Variants in GRIA4 observed in about 807,000 individuals in gnomAD.
The protein encoded by GRIA4 is glutamate ionotropic receptor AMPA type subunit 4, also known as glutamate receptor 4.
In GRIA4, 34 loss-of-function variants were observed where a neutral mutation model predicts 104.0. The observed-to-expected ratio is 0.33, with a 90% CI of 0.25 to 0.44. The LOEUF is 0.44. Ranked by LOEUF, GRIA4 falls within the 20% of genes least tolerant of loss-of-function variation. The probability of loss-of-function intolerance (pLI) is 1.00; values close to 1 mark genes in which losing one functional copy is unlikely to be tolerated. For missense variants in GRIA4, 750 were observed against 1,096.5 expected (o/e 0.68, Z 4.46); for synonymous variants, 386 against 381.9 (o/e 1.01, Z -0.13).
chr11:105,669,373 T>C (rs949708713), intron 3 of GRIA4, among the ~76,000 whole-genome samples: 19 of 144,604 alleles, frequency 1.3e-4, no homozygotes, highest in African/African-American at 4.4e-4. Context: ...CACAATGTTA[T>C]ATTCATATAT....
chr11:105,969,642 T>C (rs1034729272), intron 14 of GRIA4, among the ~76,000 whole-genome samples: 7 of 152,130 alleles, frequency 4.6e-5, no homozygotes, highest in Non-Finnish European at 8.8e-5. Context: ...CCTCCAGTTT[T>C]CAGCACTGAG....
intron 4 of GRIA4, among the ~76,000 whole-genome samples, chr11:105,791,473 T>C (rs767091495): frequency 6.6e-5 from 10 of 152,194 alleles, no homozygotes; most frequent in Admixed American, 1.3e-4. Flanking sequence ...AGATGCATTA[T>C]ACATGTGGGG....
At chr11:105,951,508 G>C (rs1948455638) in intron 14 of GRIA4, among the ~76,000 whole-genome samples, 1 of 152,106 alleles carries the variant, frequency 6.6e-6, no homozygotes, top group African/African-American at 2.4e-5. Flanking sequence ...TAACAACAAG[G>C]GAATGGCCTG....
intron 3 of GRIA4, among the ~76,000 whole-genome samples, chr11:105,728,824 A>G (rs960598450): frequency 6.6e-6 from 1 of 152,196 alleles, no homozygotes; most frequent in African/African-American, 2.4e-5. Context: ...GACACAACAT[A>G]CCAAAATCTC....
chr11:105,630,251 TG>T (rs1950998058), intron 3 of GRIA4, among the ~76,000 whole-genome samples: 1 of 152,212 alleles, frequency 6.6e-6, no homozygotes. Context: ...GCTCAATGCC[TG>T]GCTTATAATA....
intron 3 of GRIA4, among the ~76,000 whole-genome samples, chr11:105,639,110 G>A (rs939297866): frequency 6.6e-6 from 1 of 152,052 alleles, no homozygotes; most frequent in Non-Finnish European, 1.5e-5. Context: ...CTTGGAATGG[G>A]AATACTTACT....
intron 4 of GRIA4, among the ~76,000 whole-genome samples, chr11:105,793,858 G>C (rs1942333257): frequency 6.6e-6 from 1 of 152,088 alleles, no homozygotes. Context: ...CAAAAATAGA[G>C]ATATGCCCAA....
chr11:105,950,772 A>G (rs1948436506), intron 14 of GRIA4, among the ~76,000 whole-genome samples: 1 of 152,156 alleles, frequency 6.6e-6, no homozygotes. Flanking sequence ...CCATCTTACA[A>G]TGGCTTCCAA....
At chr11:105,634,529 A>AAAGAAAGAAAGAAGAAAGAAAGAAAAG (rs1565420297) in intron 3 of GRIA4, among the ~76,000 whole-genome samples, 3 of 90,228 alleles carry the variant, frequency 3.3e-5, no homozygotes, top group East Asian at 3.0e-4. Context: ...AGAAAGAAAG[A>AAAGAAAGAAAGAAGAAAGAAAGAAAAG]AAAGAAAGAA....
intron 3 of GRIA4, among the ~76,000 whole-genome samples, chr11:105,657,324 A>G: frequency 6.6e-6 from 1 of 152,124 alleles, no homozygotes; most frequent in East Asian, 1.9e-4. Flanking sequence ...ACCGCTAAGT[A>G]ACTTATCCAT....
intron 8 of GRIA4, 100 bp from the exon 9 acceptor site, chr11:105,905,097 T>C: frequency 1.5e-6 from 1 of 685,292 alleles, no homozygotes; most frequent in Non-Finnish European, 2.6e-6. Context: ...TTATAGTTTA[T>C]AGTTCTACTT....
intron 3 of GRIA4, among the ~76,000 whole-genome samples, chr11:105,634,353 CAAA>C (rs1267208067): frequency 6.0e-5 from 3 of 50,170 alleles, no homozygotes; most frequent in Non-Finnish European, 8.1e-5. Context: ...TCTCCGTCTC[CAAA>C]AAAAAAAAAA....
At chr11:105,861,859 A>G (rs546042277) in intron 4 of GRIA4, among the ~76,000 whole-genome samples, 165 bp from the exon 5 acceptor site, 9 of 152,220 alleles carry the variant, frequency 5.9e-5, no homozygotes, top group Non-Finnish European at 1.0e-4. Flanking sequence ...TGCCATGACT[A>G]AAGAAAGTAA....
chr11:105,941,714 C>T (rs1448317395), intron 14 of GRIA4, among the ~76,000 whole-genome samples: 1 of 152,118 alleles, frequency 6.6e-6, no homozygotes, highest in African/African-American at 2.4e-5. Flanking sequence ...AAATGTGACA[C>T]AAACAGCTTC....
chr11:105,640,364 C>A (rs1219727800), intron 3 of GRIA4, among the ~76,000 whole-genome samples: 2 of 151,388 alleles, frequency 1.3e-5, no homozygotes, highest in Non-Finnish European at 3.0e-5. Context: ...ATTAACATAC[C>A]TGGGGGTAGA....
At chr11:105,918,237 C>T (rs531505861) in intron 10 of GRIA4, among the ~76,000 whole-genome samples, 4 of 152,060 alleles carry the variant, frequency 2.6e-5, no homozygotes, top group Admixed American at 6.6e-5. Context: ...AGAAAAATGA[C>T]GTAACCTTTT....
In GRIA4 at chr11:105,981,816, C is replaced by T. The variant is rs1213175305; in HGVS notation, c.*2077C>T. 2.6e-5 allele frequency: 4 copies of T among 152,704 alleles called. No individual in the cohort carries two copies. The highest frequency in any genetic ancestry group is 4.4e-5 in the Non-Finnish European group (3 of 68,130). 9.5% of individuals were successfully genotyped at this position (152,704 alleles called of 1,614,324 possible). A position where few individuals can be genotyped will look rare whatever the true frequency, so the allele number is the denominator to read the frequency against. ...AGTAACTTGTACTCATCCTTCAATA[C>T]TCCAACTGAATTTTACTTACCCTGA... On this transcript the variant is annotated 3_prime_UTR_variant, in exon 17 of 17. Coordinates refer to ENST00000282499, the MANE Select transcript of GRIA4 (RefSeq NM_000829.4).
At chr11:105,683,889 T>A (rs995627807) in intron 3 of GRIA4, among the ~76,000 whole-genome samples, 1 of 152,156 alleles carries the variant, frequency 6.6e-6, no homozygotes, top group Non-Finnish European at 1.5e-5. Context: ...AATGCTTTTT[T>A]TTTTGAGATG....
rs778738053 is a variant in GRIA4, at chr11:105,972,068, AAGCAGTAAACGGG to A, written c.2409+45_2409+57del. Reference sequence around the variant, plus strand: ...TTCGGGGCCTCCTCTTGTGTTCACAAAGCAGTAAACGGGAGCAATTGTCAAAAGTATATGGAAA... The same window carrying A: ...TTCGGGGCCTCCTCTTGTGTTCACAAAGCAATTGTCAAAAGTATATGGAAA... On this transcript the variant is annotated intron_variant, in intron 15 of 16. Transcript: ENST00000282499. 8 of 1,259,582 alleles carry A rather than the reference AAGCAGTAAACGGG, an allele frequency of 6.4e-6. No homozygotes were observed. In the East Asian group the frequency reaches 1.9e-4, roughly 29 times the overall value. 78.0% of individuals were successfully genotyped at this position (1,259,582 alleles called of 1,614,324 possible).
Sources: gnomAD v4.1 joint callset for allele counts (sites outside exome capture counted in the v4.1 genomes callset) on GRCh38, gnomAD v4.1.1 for gene constraint, MANE v1.5 for transcripts, NCBI Gene and HGNC (gene_info 2026-07-23, HGNC 2026-07-21) for gene names.